Variants in MED13L observed in about 807,000 individuals in gnomAD.
MED13L encodes the protein mediator complex subunit 13L.
A neutral mutation model predicts 220.9 loss-of-function variants in MED13L; 7 were observed. The observed-to-expected ratio is 0.03, with a 90% CI of 0.02 to 0.06. MED13L has a LOEUF of 0.06. MED13L is among the 10% of genes least tolerant of loss of function. The pLI is 1.00. For missense variants in MED13L, 1,965 were observed against 2,760.5 expected, an observed-to-expected ratio of 0.71 and a Z score of 6.46; for synonymous variants, 1,011 against 1,015.2, an observed-to-expected ratio of 1.00 and a Z score of 0.08.
intron 14 of MED13L, among the ~76,000 whole-genome samples, chr12:115,999,468 C>T (rs755786571): frequency 4.6e-5 from 7 of 151,864 alleles, no homozygotes; most frequent in Non-Finnish European, 1.0e-4. Context: ...CCTCTCAAGC[C>T]GAAGAACAGC....
At chr12:116,183,632 G>A (rs1412766247) in intron 2 of MED13L, among the ~76,000 whole-genome samples, 2 of 152,048 alleles carry the variant, frequency 1.3e-5, no homozygotes, top group African/African-American at 4.8e-5. Flanking sequence ...CCTTTAAGGT[G>A]AAATGTCATT....
rs34982320 is a variant in MED13L at position 116,205,532 on chromosome 12, GAA to G, written c.310+31934_310+31935del. On this transcript the variant is annotated intron_variant, in intron 2 of 30. Transcript: ENST00000281928. ...ATTAAAAAAAAAAAACAAAGGAAGA[GAA>G]AAAAAAAAAAAAAAAGGAAAGTCTT... 6.3e-3 allele frequency among the ~76,000 whole-genome samples: 588 copies of G among 94,008 alleles called. 3 individuals carry two copies. Among genetic ancestry groups the G allele is most frequent in the African/African-American group, 0.01 (244 of 24,094 alleles). The allele number at this position is 94,008 out of a possible 152,430, so 61.7% of individuals were successfully genotyped here.
At chr12:116,196,691 A>G (rs1019101832) in intron 2 of MED13L, among the ~76,000 whole-genome samples, 16 of 152,254 alleles carry the variant, frequency 1.1e-4, no homozygotes, top group African/African-American at 3.9e-4. Flanking sequence ...TAAATAGAAA[A>G]GTAATAATGC....
Position 115,975,149 on chromosome 12 carries a change from T to C in MED13L, c.5731+22A>G, listed in dbSNP as rs562675183. On this transcript the variant is annotated intron_variant, in intron 25 of 30. Transcript: ENST00000281928. ...GCCCTTTTCCTCTGTCTTCTGCAAA[T>C]ACTTCTTCAAAAATTTCTCACCTTT... is the stretch of plus-strand genomic sequence containing the variant. The C allele has an allele frequency of 1.4e-5, 22 of 1,613,608 alleles. No homozygotes were observed. The South Asian group carries it at 2.4e-4, about 18-fold the overall frequency.
chr12:116,121,641 T>C (rs1160677110), intron 2 of MED13L, among the ~76,000 whole-genome samples: 1 of 152,202 alleles, frequency 6.6e-6, no homozygotes, highest in African/African-American at 2.4e-5. Context: ...AAAAGTAGAA[T>C]TACTTTCAAA....
intron 4 of MED13L, among the ~76,000 whole-genome samples, chr12:116,091,847 C>T (rs1463414472): frequency 6.6e-6 from 1 of 152,184 alleles, no homozygotes; most frequent in African/African-American, 2.4e-5. Flanking sequence ...GTTCTGGTAA[C>T]ACCAGTCTCT....
chr12:116,276,308 T>G (rs1002484871), intron 1 of MED13L: 44 of 224,906 alleles, frequency 2.0e-4, no homozygotes, highest in African/African-American at 5.2e-4. Context: ...CTTGTTGCTT[T>G]TGTGTGTGTG....
chr12:116,227,782 T>C (rs2138419468), intron 2 of MED13L, among the ~76,000 whole-genome samples: 3 of 152,186 alleles, frequency 2.0e-5, no homozygotes, highest in Middle Eastern at 3.4e-3. Context: ...AATGTTCAAG[T>C]GAAAAGGAAG....
Position 116,111,415 on chromosome 12 carries a change from T to C in MED13L, c.395+13A>G. On this transcript the variant is annotated intron_variant, in intron 3 of 30. Transcript: ENST00000281928. Reference sequence around the variant, plus strand: ...GTTGTCTGCAAACCACTGTCTGCTGTTCCTTCTCTTACCTTTCTAACAGAT... The same window carrying C: ...GTTGTCTGCAAACCACTGTCTGCTGCTCCTTCTCTTACCTTTCTAACAGAT... 1 of 1,608,850 alleles carries C rather than the reference T, an allele frequency of 6.2e-7. No homozygotes were observed. Among genetic ancestry groups the C allele is most frequent in the South Asian group, 1.1e-5 (1 of 90,952 alleles).
At chr12:115,976,419 G>A (rs1876942744) in intron 23 of MED13L, among the ~76,000 whole-genome samples, 2 of 152,178 alleles carry the variant, frequency 1.3e-5, no homozygotes, top group Admixed American at 1.3e-4. Context: ...CAAAGTAGAT[G>A]ATTCAATTTA....
intron 4 of MED13L, among the ~76,000 whole-genome samples, chr12:116,062,745 C>G (rs868693118): frequency 1.3e-5 from 2 of 152,134 alleles, no homozygotes; most frequent in African/African-American, 4.8e-5. Context: ...CTCACCCGGC[C>G]TCAGTATATT....
intron 2 of MED13L, among the ~76,000 whole-genome samples, chr12:116,158,687 G>T (rs552850270): frequency 6.6e-6 from 1 of 152,280 alleles, no homozygotes; most frequent in South Asian, 2.1e-4. Flanking sequence ...ATAAGGAAAA[G>T]AAGCGATGAG....
chr12:116,148,074 A>AAAAAAAAAAAAAAAAAAG (rs1377801971), intron 2 of MED13L, among the ~76,000 whole-genome samples: 1 of 98,310 alleles, frequency 1.0e-5, no homozygotes, highest in African/African-American at 3.9e-5. Context: ...AAAAAAAAAA[A>AAAAAAAAAAAAAAAAAAG]GAGGGGGGCG....
At chr12:116,091,072 C>T (rs1209064917) in intron 4 of MED13L, among the ~76,000 whole-genome samples, 1 of 136,968 alleles carries the variant, frequency 7.3e-6, no homozygotes. Context: ...AGTGAGCTGA[C>T]ATCGCACCTG....
chr12:116,043,486 A>G (rs1044791312), intron 4 of MED13L, among the ~76,000 whole-genome samples: 1 of 152,228 alleles, frequency 6.6e-6, no homozygotes, highest in Non-Finnish European at 1.5e-5. Flanking sequence ...TATGTGGTAC[A>G]TTAATCATGT....
chr12:116,070,233 A>G (rs562527322), intron 4 of MED13L, among the ~76,000 whole-genome samples: 2 of 152,324 alleles, frequency 1.3e-5, no homozygotes, highest in African/African-American at 2.4e-5. Context: ...CAGAATTTAA[A>G]TCCCAAATCC....
chr12:116,094,743 AAAG>A (rs1872520035), intron 4 of MED13L, among the ~76,000 whole-genome samples: 1 of 152,224 alleles, frequency 6.6e-6, no homozygotes, highest in Non-Finnish European at 1.5e-5. Context: ...TCAGAATGAT[AAAG>A]AAGGTCACTG....
chr12:116,233,515 A>G (rs1383193220), intron 2 of MED13L, among the ~76,000 whole-genome samples: 2 of 152,136 alleles, frequency 1.3e-5, no homozygotes, highest in Non-Finnish European at 2.9e-5. Context: ...CCACCTACTC[A>G]GCCTTTTAGA....
At position 115,961,010 on chromosome 12, in the gene MED13L, G is replaced by T. The variant is rs550344454; in HGVS notation, c.*256C>A. ...CCACTTCCTGGGGACCAGTGGTTGG[G>T]GCTACACACACCACCGCACTGGCTG... On this transcript the variant is annotated 3_prime_UTR_variant, in exon 31 of 31. Transcript: ENST00000281928. 197 of 507,074 alleles carry T rather than the reference G, an allele frequency of 3.9e-4. No homozygotes were observed. The highest frequency in any genetic ancestry group is 6.5e-4 in the Non-Finnish European group (178 of 275,754). The allele number at this position is 507,074 out of a possible 1,614,324, so 31.4% of individuals were successfully genotyped here.
Sources: gnomAD v4.1 joint callset for allele counts (sites outside exome capture counted in the v4.1 genomes callset) on GRCh38, gnomAD v4.1.1 for gene constraint, MANE v1.5 for transcripts, NCBI Gene and HGNC (gene_info 2026-07-23, HGNC 2026-07-21) for gene names.